The following C19orf18 variants were observed in gnomAD, a reference collection of about 807,000 sequenced individuals.
C19orf18 encodes the protein uncharacterized protein C19orf18.
A neutral mutation model predicts 23.3 loss-of-function variants in C19orf18; 21 were observed. The observed-to-expected ratio is 0.90, with a 90% CI of 0.64 to 1.30. The LOEUF is 1.30. Among genes scored for constraint, C19orf18 ranks in the 50% most tolerant of loss-of-function variants. The pLI, the probability that C19orf18 is intolerant of heterozygous loss-of-function variation, is 0.00. For missense variants in C19orf18, 249 were observed against 259.6 expected (o/e 0.96, Z 0.28); for synonymous variants, 96 against 95.2 (o/e 1.01, Z -0.05).
intron 3 of C19orf18, among the ~76,000 whole-genome samples, chr19:57,967,999 G>T (rs112644210): frequency 6.7e-6 from 1 of 149,484 alleles, no homozygotes; most frequent in East Asian, 1.9e-4. Context: ...GCAACAGAGC[G>T]AGACCCTGTC....
rs770106201 is a variant in C19orf18, at chr19:57,974,400, CA to C, written c.32del (p.Leu11CysfsTer5). The C allele has an allele frequency of 2.5e-6, 4 of 1,613,688 alleles. No individual in the cohort carries two copies. The South Asian group carries it at 4.4e-5, about 18-fold the overall frequency. MDKVQSGFLI[L>X]FLFLMECQLH... ...GTTGGCATTCCATTAAAAACAAAAACAAAATGAGGAAACCACTCTGAACCTT... is the reference window on the plus strand; with the variant it reads ...GTTGGCATTCCATTAAAAACAAAAACAAATGAGGAAACCACTCTGAACCTT... On this transcript the variant is annotated frameshift_variant, in exon 1 of 6. Transcript: ENST00000314391. LOFTEE classifies it high-confidence loss of function.
chr19:57,965,408 TACAGGCATGAGCCACCAC>T (rs1371507866), intron 4 of C19orf18, among the ~76,000 whole-genome samples: 1 of 152,158 alleles, frequency 6.6e-6, no homozygotes, highest in Non-Finnish European at 1.5e-5. Context: ...GTGCTGGGAT[TACAGGCATGAGCCACCAC>T]ACCCGGCCTC....
At chr19:57,965,117 T>TTTTATTTATTTATTTA (rs59561103) in intron 4 of C19orf18, among the ~76,000 whole-genome samples, 16,565 of 145,856 alleles carry the variant, frequency 0.11, 974 homozygotes, top group Non-Finnish European at 0.13. Context: ...GTTCTTTTTA[T>TTTTATTTATTTATTTA]TTTATTTATT....
chr19:57,969,579 A>AAAAAAAAAAAAAAAAC, intron 3 of C19orf18, among the ~76,000 whole-genome samples: 2 of 126,516 alleles, frequency 1.6e-5, no homozygotes, highest in African/African-American at 2.6e-5. Flanking sequence ...AAAAAAAAAA[A>AAAAAAAAAAAAAAAAC]AAAAAAAAAA....
chr19:57,966,132 C>G (rs1308606987), intron 4 of C19orf18, among the ~76,000 whole-genome samples: 1 of 152,062 alleles, frequency 6.6e-6, no homozygotes, highest in East Asian at 1.9e-4. Context: ...CACCCGCCAC[C>G]ACGCCCGGCT....
intron 3 of C19orf18, among the ~76,000 whole-genome samples, 198 bp from the exon 4 acceptor site, chr19:57,966,830 G>A (rs1264646428): frequency 6.6e-6 from 1 of 151,864 alleles, no homozygotes. Flanking sequence ...GGAGTGCAGT[G>A]CATGATCACA....
At chr19:57,964,335 G>A (rs1230612106) in intron 4 of C19orf18, among the ~76,000 whole-genome samples, 1 of 152,224 alleles carries the variant, frequency 6.6e-6, no homozygotes, top group Non-Finnish European at 1.5e-5. Context: ...AGGAGGAAGT[G>A]CAGTGGTGCA....
rs1371201350 is a variant in C19orf18, at chr19:57,963,747, G to T, written c.372-2196C>A. 2.0e-5 allele frequency among the ~76,000 whole-genome samples: 3 copies of T among 152,096 alleles called. No homozygotes were observed. The South Asian group carries it at 6.2e-4, about 32-fold the overall frequency. ...ATAAAAATACAAAAAAAAATTAGCC[G>T]GGCGTGGTGGCGGGTGCCTGTAGTC... On this transcript the variant is annotated intron_variant, in intron 4 of 5. Coordinates refer to ENST00000314391, the MANE Select transcript of C19orf18 (RefSeq NM_152474.5).
chr19:57,970,241 G>A lies in C19orf18; in HGVS notation c.268+2222C>T, dbSNP rs148966047. On this transcript the variant is annotated intron_variant, in intron 3 of 5. Coordinates refer to ENST00000314391, the MANE Select transcript of C19orf18 (RefSeq NM_152474.5). ...GAAGATCAAGAGGTGCCAGCTGTGA[G>A]AGCCCCCTCAGATGGCTTCCCCTCC... Among the ~76,000 whole-genome samples the A allele has an allele frequency of 2.9e-3, 441 of 152,276 alleles. 3 individuals are homozygous for A. The highest frequency in any genetic ancestry group is 4.2e-3 in the Non-Finnish European group (289 of 68,022).
At chr19:57,972,932 G>A (rs570884537) in intron 2 of C19orf18, among the ~76,000 whole-genome samples, 4 of 151,948 alleles carry the variant, frequency 2.6e-5, no homozygotes, top group Non-Finnish European at 5.9e-5. Context: ...GGCAGATCAC[G>A]AGGTCAGGAG....
At position 57,966,602 on chromosome 19, in the gene C19orf18, T is replaced by G; in HGVS notation, c.299A>C (p.Lys100Thr). Residue 100 changes from lysine to threonine, a missense_variant, in exon 4 of 6, where the codon AAA becomes ACA. Coordinates refer to ENST00000314391, the MANE Select transcript of C19orf18 (RefSeq NM_152474.5). ...GGCTACGCTCGAAATTAAAATTACT[T>G]TAACAAGAGCAGGTCTATGCCGAAT... ...AIIRHRPALV[K>T]VILISSVAFS... 1 of 1,613,222 alleles carries G rather than the reference T, an allele frequency of 6.2e-7. No homozygotes were observed. Among genetic ancestry groups the G allele is most frequent in the Non-Finnish European group, 8.5e-7 (1 of 1,179,396 alleles).
At chr19:57,959,353 T>C (rs1331598040) in intron 5 of C19orf18, among the ~76,000 whole-genome samples, 1 of 152,158 alleles carries the variant, frequency 6.6e-6, no homozygotes, top group African/African-American at 2.4e-5. Context: ...CCCGGCGCAG[T>C]GGCTCATGCC....
At chr19:57,973,888 GAA>G (rs1202697702) in intron 2 of C19orf18, among the ~76,000 whole-genome samples, 1 of 136,330 alleles carries the variant, frequency 7.3e-6, no homozygotes, top group Non-Finnish European at 1.6e-5. Flanking sequence ...AAAGTGAAAT[GAA>G]AAAGAGAAGA....
intron 4 of C19orf18, among the ~76,000 whole-genome samples, chr19:57,961,887 TTTCTC>T (rs2072874980): frequency 6.7e-6 from 1 of 150,310 alleles, no homozygotes; most frequent in African/African-American, 2.5e-5. Flanking sequence ...TCTCTTTTTC[TTTCTC>T]TTTTTTTTCC....
intron 3 of C19orf18, 127 bp downstream of exon 3, chr19:57,972,336 C>A: frequency 8.7e-7 from 1 of 1,147,714 alleles, no homozygotes; most frequent in South Asian, 1.5e-5. Flanking sequence ...GGCACCTTGT[C>A]TAACACACAT....
rs748987728 is a variant in C19orf18, at chr19:57,974,350, T to C, written c.83A>G (p.Asp28Gly). The C allele has an allele frequency of 6.8e-6, 11 of 1,614,122 alleles. No individual in the cohort carries two copies. In the South Asian group the frequency reaches 9.9e-5, roughly 15 times the overall value. ...CQLHLCLPYA[D>G]GLHPTGNITG... ...TATGTTTCCAGTGGGATGGAGTCCA[T>C]CTGCATACGGCAAGCATAAATGAAG... is the stretch of plus-strand genomic sequence containing the variant. The change falls in exon 1 of 6, where the codon GAT becomes GGT. Residue 28 changes from aspartate (D) to glycine (G), a missense_variant. Physicochemically the swap from Asp to Gly is moderately conservative, Grantham distance 94. Transcript: ENST00000314391.
chr19:57,974,219 T>A lies in C19orf18; in HGVS notation c.122-16A>T. The A allele has an allele frequency of 6.2e-7, 1 of 1,613,702 alleles. No homozygotes were observed. The highest frequency in any genetic ancestry group is 8.5e-7 in the Non-Finnish European group (1 of 1,179,902). ...CGTTTACTGCCTTGAAAAGAAAACT[T>A]TTTGCGGTGAAATGTAATTACCTTC... On this transcript the variant is annotated splice_polypyrimidine_tract_variant and intron_variant, in intron 1 of 5. Transcript: ENST00000314391.
At chr19:57,961,633 G>A in intron 4 of C19orf18, 82 bp from the exon 5 acceptor site, 2 of 1,500,784 alleles carry the variant, frequency 1.3e-6, no homozygotes, top group Non-Finnish European at 1.8e-6. Context: ...TTTTTGACAG[G>A]AAAGGAGTCG....
chr19:57,966,392 A>G, intron 4 of C19orf18, 138 bp downstream of exon 4: 1 of 590,008 alleles, frequency 1.7e-6, no homozygotes, highest in Non-Finnish European at 2.9e-6. Context: ...GTTGAAAAAC[A>G]CTAATCTGGA....
Sources: gnomAD v4.1 joint callset for allele counts (sites outside exome capture counted in the v4.1 genomes callset) on GRCh38, gnomAD v4.1.1 for gene constraint, MANE v1.5 for transcripts, NCBI Gene and HGNC (gene_info 2026-07-23, HGNC 2026-07-21) for gene names.